Variants in COL4A6 observed in about 807,000 individuals in gnomAD.
The protein encoded by COL4A6 is collagen alpha-6(IV) chain.
In COL4A6, 59 loss-of-function variants were observed where a neutral mutation model predicts 126.7. The ratio of observed to expected loss-of-function variants is 0.47; its 90% CI spans 0.38 to 0.58. The LOEUF (loss-of-function observed/expected upper bound fraction) is 0.58. Ranked by LOEUF, COL4A6 falls within the 20% of genes least tolerant of loss-of-function variation. The pLI is 0.00. For missense variants in COL4A6, 1,285 were observed against 1,337.3 expected, an observed-to-expected ratio of 0.96 and a Z score of 0.61; for synonymous variants, 547 against 496.6, an observed-to-expected ratio of 1.10 and a Z score of -1.35.
At chrX:108,169,683 C>T in intron 36 of COL4A6, 63 bp from the exon 37 acceptor site, 1 of 1,145,657 alleles carries the variant, frequency 8.7e-7, no homozygotes, top group South Asian at 2.1e-5. Context: ...CTGCCTAACT[C>T]ACTCGCCTGT....
chrX:108,350,929 C>A (rs139998862), intron 2 of COL4A6, among the ~76,000 whole-genome samples: 3,357 of 111,565 alleles, frequency 0.03, 120 homozygotes, highest in African/African-American at 0.1. Context: ...AGAGTCAGAA[C>A]TCAGGGTTTC....
At chrX:108,260,085 C>T (rs2037121234) in intron 3 of COL4A6, among the ~76,000 whole-genome samples, 1 of 109,788 alleles carries the variant, frequency 9.1e-6, no homozygotes, top group Admixed American at 9.8e-5. Flanking sequence ...ATAAGAAATG[C>T]TTATAATTAT....
At chrX:108,194,898 C>T (rs1249465317) in intron 15 of COL4A6, among the ~76,000 whole-genome samples, 184 bp downstream of exon 15, 1 of 111,628 alleles carries the variant, frequency 9.0e-6, no homozygotes. Context: ...CGGAATTTGA[C>T]ACTGGATACC....
rs776699531 is a variant in COL4A6, at chrX:108,432,893, G to C, written c.63+5049C>G. Among the ~76,000 whole-genome samples, 84 of 111,608 alleles carry C rather than the reference G, an allele frequency of 7.5e-4. 1 individual carries two copies. Among genetic ancestry groups the C allele is most frequent in the Non-Finnish European group, 1.4e-3 (74 of 53,070 alleles). On this transcript the variant is annotated intron_variant, in intron 2 of 44. Transcript: ENST00000334504. ...AATTAAAAAAAAACAAGGGGATAAA[G>C]AAGTATCAGAGTAACTGGGAAATGT...
chrX:108,378,752 C>T (rs1315809898), intron 2 of COL4A6, among the ~76,000 whole-genome samples: 1 of 113,227 alleles, frequency 8.8e-6, no homozygotes, highest in East Asian at 2.8e-4. Flanking sequence ...ATGCCTTAGG[C>T]CTGGATTGGC....
chrX:108,296,208 A>C (rs1341293338), intron 3 of COL4A6, among the ~76,000 whole-genome samples: 1 of 112,464 alleles, frequency 8.9e-6, no homozygotes, highest in African/African-American at 3.2e-5. Context: ...TTAATCCAGT[A>C]CTGTGAGAAA....
At chrX:108,237,860 AT>A (rs1321282965) in intron 3 of COL4A6, among the ~76,000 whole-genome samples, 1 of 1,863 alleles carries the variant, frequency 5.4e-4, no homozygotes, top group African/African-American at 2.3e-3. Flanking sequence ...TGTCTCTATC[AT>A]CTATCTATCT....
intron 3 of COL4A6, among the ~76,000 whole-genome samples, chrX:108,232,167 A>C (rs2036325555): frequency 8.9e-6 from 1 of 112,061 alleles, no homozygotes; most frequent in African/African-American, 3.2e-5. Context: ...AAATAGGATG[A>C]AGTGGAGATG....
At chrX:108,341,838 ACT>A (rs1397965178) in intron 2 of COL4A6, among the ~76,000 whole-genome samples, 1 of 111,784 alleles carries the variant, frequency 8.9e-6, no homozygotes, top group African/African-American at 3.2e-5. Context: ...CACCCACTAA[ACT>A]CTGAGAATTT....
intron 2 of COL4A6, among the ~76,000 whole-genome samples, chrX:108,333,144 G>A (rs555093550): frequency 1.8e-5 from 2 of 110,964 alleles, no homozygotes; most frequent in African/African-American, 6.5e-5. Context: ...TTGTAGGTAT[G>A]TGGCTTTCCT....
intron 5 of COL4A6, among the ~76,000 whole-genome samples, chrX:108,215,829 T>C (rs1166221540): frequency 9.0e-6 from 1 of 111,408 alleles, no homozygotes; most frequent in East Asian, 2.8e-4. Context: ...CCACCATCCA[T>C]TGTTGTTTCC....
At chrX:108,224,363 GT>G (rs2036105310) in intron 3 of COL4A6, among the ~76,000 whole-genome samples, 1 of 112,235 alleles carries the variant, frequency 8.9e-6, no homozygotes, top group South Asian at 3.7e-4. Flanking sequence ...CCAAATAGAA[GT>G]TTGAAAAGGC....
At chrX:108,175,236 A>T in intron 29 of COL4A6, 21 bp from the exon 30 acceptor site, 2 of 1,154,633 alleles carry the variant, frequency 1.7e-6, no homozygotes, top group Non-Finnish European at 2.3e-6. Flanking sequence ...GGAGATCAGC[A>T]TGAGAAAGAG....
intron 16 of COL4A6, 78 bp from the exon 17 acceptor site, chrX:108,193,775 C>T: frequency 1.2e-6 from 1 of 846,436 alleles, no homozygotes; most frequent in Non-Finnish European, 1.7e-6. Context: ...TAAAGCCCAT[C>T]CCTAGGAAAA....
chrX:108,211,753 G>A lies in COL4A6; in HGVS notation c.442-13C>T. The A allele has an allele frequency of 8.4e-7, 1 of 1,197,292 alleles. No individual in the cohort carries two copies. ...GACCAGGAAGCCCCTGAGTAAAATAGTTTAAAAAATTGAAGAAATACACAC... is the reference window on the plus strand; with the variant it reads ...GACCAGGAAGCCCCTGAGTAAAATAATTTAAAAAATTGAAGAAATACACAC... On this transcript the variant is annotated splice_polypyrimidine_tract_variant and intron_variant, in intron 6 of 44. Transcript: ENST00000334504.
intron 2 of COL4A6, among the ~76,000 whole-genome samples, chrX:108,405,425 T>C (rs1278351287): frequency 9.1e-6 from 1 of 110,321 alleles, no homozygotes; most frequent in Non-Finnish European, 1.9e-5. Context: ...CCTCAAGTGA[T>C]CCGCCCGCCT....
chrX:108,206,507 A>G lies in COL4A6; in HGVS notation c.609+11T>C, dbSNP rs368320903. 5.8e-6 allele frequency: 7 copies of G among 1,203,964 alleles called. No homozygotes were observed. The African/African-American group carries it at 7.0e-5, about 12-fold the overall frequency. ...CACTGTGATCACAAACTAGGCTTAA[A>G]TTGATCTTACTTGTAATCCTGGTGG... On this transcript the variant is annotated intron_variant, in intron 9 of 44. Coordinates refer to ENST00000334504, the MANE Select transcript of COL4A6 (RefSeq NM_033641.4).
chrX:108,378,658 C>T (rs775579196), intron 2 of COL4A6, among the ~76,000 whole-genome samples: 2 of 112,623 alleles, frequency 1.8e-5, no homozygotes, highest in East Asian at 5.6e-4. Context: ...AGGTATGATC[C>T]ATAAAAACTA....
intron 2 of COL4A6, among the ~76,000 whole-genome samples, chrX:108,370,588 C>T: frequency 9.0e-6 from 1 of 111,697 alleles, no homozygotes; most frequent in African/African-American, 3.2e-5. Context: ...GACTATACAT[C>T]AAGGACATTA....
Sources: allele counts gnomAD v4.1 joint callset (sites outside exome capture counted in the v4.1 genomes callset), GRCh38; gene constraint gnomAD v4.1.1; transcripts MANE v1.5; gene names NCBI Gene and HGNC (gene_info 2026-07-23, HGNC 2026-07-21).